Variants in SPON1 observed in about 807,000 individuals in gnomAD.
SPON1 encodes spondin 1.
A neutral mutation model predicts 111.7 loss-of-function variants in SPON1; 52 were observed. That is an observed-to-expected ratio of 0.47 (90% CI 0.37 to 0.59). SPON1 has a LOEUF of 0.59. Ranked by LOEUF, SPON1 falls within the 20% of genes least tolerant of loss-of-function variation. The pLI is 0.00. For missense variants in SPON1, 957 were observed against 1,068.5 expected, an observed-to-expected ratio of 0.90 and a Z score of 1.46; for synonymous variants, 410 against 395.8, an observed-to-expected ratio of 1.04 and a Z score of -0.43.
chr11:14,176,883 C>T (rs1421110934), intron 6 of SPON1, among the ~76,000 whole-genome samples: 2 of 152,172 alleles, frequency 1.3e-5, no homozygotes, highest in African/African-American at 4.8e-5. Context: ...CCGAGGGGTT[C>T]GCCTTGCCCG....
Position 14,265,789 on chromosome 11 carries a change from C to T in SPON1, c.*102C>T. 3 of 1,355,448 alleles carry T rather than the reference C, an allele frequency of 2.2e-6. No homozygotes were observed. The highest frequency in any genetic ancestry group is 2.9e-5 in the South Asian group (2 of 68,962). The allele number at this position is 1,355,448 out of a possible 1,614,324, so 84.0% of individuals were successfully genotyped here. On this transcript the variant is annotated 3_prime_UTR_variant, in exon 16 of 16. Transcript: ENST00000576479. The stretch of plus-strand genomic sequence containing the variant: ...AATTTAAATTGTGTACGCTAGTTTT[C>T]ATTTTTGCAGTGTGGTTCGCCCAGT...
chr11:14,115,532 T>G (rs1849260293), intron 5 of SPON1, among the ~76,000 whole-genome samples: 1 of 152,242 alleles, frequency 6.6e-6, no homozygotes, highest in East Asian at 1.9e-4. Flanking sequence ...TGGCTTCTTT[T>G]GTTTATAGTA....
At chr11:14,056,694 C>T (rs767304562) in intron 3 of SPON1, among the ~76,000 whole-genome samples, 19 of 151,982 alleles carry the variant, frequency 1.3e-4, no homozygotes, top group Non-Finnish European at 2.5e-4. Flanking sequence ...TTGAGACCAT[C>T]CTGGCAAACA....
intron 5 of SPON1, among the ~76,000 whole-genome samples, chr11:14,129,025 T>C (rs1456062186): frequency 1.3e-5 from 2 of 152,216 alleles, no homozygotes; most frequent in Non-Finnish European, 2.9e-5. Flanking sequence ...CAGAAAACCA[T>C]TTTCCCTCCT....
In SPON1 at chr11:14,251,519, C is replaced by G. The variant is rs142815255; in HGVS notation, c.891-3009C>G. On this transcript the variant is annotated intron_variant, in intron 7 of 15. Coordinates refer to ENST00000576479, the MANE Select transcript of SPON1 (RefSeq NM_006108.4). Reference sequence around the variant, plus strand: ...GGCAGTTGGTTTGGTTTCTACAGCTCTGGATTAGAACTGGTTTTGTCCCCT... The same window carrying G: ...GGCAGTTGGTTTGGTTTCTACAGCTGTGGATTAGAACTGGTTTTGTCCCCT... 7.6e-3 allele frequency among the ~76,000 whole-genome samples: 1,150 copies of G among 152,266 alleles called. 19 individuals are homozygous for G. Among genetic ancestry groups the G allele is most frequent in the Admixed American group, 0.03 (454 of 15,308 alleles).
At chr11:14,145,591 T>TA (rs1554929236) in intron 6 of SPON1, among the ~76,000 whole-genome samples, 5 of 152,210 alleles carry the variant, frequency 3.3e-5, no homozygotes, top group African/African-American at 4.8e-5. Context: ...TCTGAACCAT[T>TA]TTTAAGTGCA....
intron 6 of SPON1, among the ~76,000 whole-genome samples, chr11:14,195,687 GAA>G (rs1410148705): frequency 6.6e-6 from 1 of 152,206 alleles, no homozygotes; most frequent in Non-Finnish European, 1.5e-5. Context: ...AGAGGCTGCA[GAA>G]AGGCCAATTT....
At chr11:14,038,106 C>T (rs1185723225) in intron 2 of SPON1, among the ~76,000 whole-genome samples, 1 of 134,412 alleles carries the variant, frequency 7.4e-6, no homozygotes, top group Non-Finnish European at 1.7e-5. Flanking sequence ...GTAGGGGTTG[C>T]AGTGAGCCGA....
chr11:14,103,099 C>G (rs1849156604), intron 5 of SPON1, among the ~76,000 whole-genome samples: 1 of 152,106 alleles, frequency 6.6e-6, no homozygotes, highest in Non-Finnish European at 1.5e-5. Context: ...GGTGCCCCTT[C>G]TGGTGTGTAT....
chr11:14,205,821 C>T (rs1403695274), intron 6 of SPON1, among the ~76,000 whole-genome samples: 2 of 152,186 alleles, frequency 1.3e-5, no homozygotes, highest in African/African-American at 2.4e-5. Flanking sequence ...CAGGGTCTCA[C>T]ACCTTTTGCT....
chr11:14,119,220 T>G (rs1849286851), intron 5 of SPON1, among the ~76,000 whole-genome samples: 1 of 152,118 alleles, frequency 6.6e-6, no homozygotes, highest in Non-Finnish European at 1.5e-5. Flanking sequence ...AAGCAGGATC[T>G]GAGGCAAGGA....
chr11:14,265,494 G>A (rs183218059), intron 15 of SPON1, 30 bp from the exon 16 acceptor site: 29 of 1,602,044 alleles, frequency 1.8e-5, no homozygotes, highest in Non-Finnish European at 2.4e-5. Flanking sequence ...CCGTTTCTGC[G>A]GGCCTAACAA....
chr11:13,966,921 G>C (rs1431261735), intron 1 of SPON1, among the ~76,000 whole-genome samples: 1 of 152,114 alleles, frequency 6.6e-6, no homozygotes, highest in Non-Finnish European at 1.5e-5. Context: ...GTCACACAGT[G>C]GTTGCTAAAA....
intron 6 of SPON1, among the ~76,000 whole-genome samples, chr11:14,235,020 T>C (rs939874682): frequency 1.3e-5 from 2 of 152,166 alleles, no homozygotes; most frequent in Admixed American, 1.3e-4. Context: ...TCAGAACCTG[T>C]GAGCTCTGAC....
intron 5 of SPON1, among the ~76,000 whole-genome samples, chr11:14,111,936 A>G (rs782270629): frequency 1.2e-4 from 18 of 152,170 alleles, no homozygotes; most frequent in African/African-American, 2.2e-4. Context: ...AAACAAGTCA[A>G]TAGAATTGTG....
chr11:14,162,272 C>CAATGTATATAT (rs1426594428), intron 6 of SPON1, among the ~76,000 whole-genome samples: 1 of 151,946 alleles, frequency 6.6e-6, no homozygotes, highest in Non-Finnish European at 1.5e-5. Flanking sequence ...AAACACTAAC[C>CAATGTATATAT]AATGTATATA....
chr11:14,121,819 T>TA (rs1220348057), intron 5 of SPON1, among the ~76,000 whole-genome samples: 2 of 151,974 alleles, frequency 1.3e-5, no homozygotes, highest in African/African-American at 2.4e-5. Context: ...TTCATTTATT[T>TA]AAAAAAACGT....
chr11:14,253,918 A>G (rs761917984), intron 7 of SPON1, among the ~76,000 whole-genome samples: 93 of 152,172 alleles, frequency 6.1e-4, no homozygotes, highest in Non-Finnish European at 6.8e-4. Flanking sequence ...GCTGCCATGT[A>G]TCTCACATGG....
At chr11:14,015,487 G>T (rs1554914208) in intron 2 of SPON1, among the ~76,000 whole-genome samples, 1 of 152,156 alleles carries the variant, frequency 6.6e-6, no homozygotes, top group Non-Finnish European at 1.5e-5. Flanking sequence ...GTATCACATT[G>T]ATTATTACTT....
Sources: gnomAD v4.1 joint callset for allele counts (sites outside exome capture counted in the v4.1 genomes callset) on GRCh38, gnomAD v4.1.1 for gene constraint, MANE v1.5 for transcripts, NCBI Gene and HGNC (gene_info 2026-07-23, HGNC 2026-07-21) for gene names.